Variants in HMCN1 observed in about 807,000 individuals in gnomAD.
HMCN1 encodes the protein hemicentin-1.
A neutral mutation model predicts 625.9 loss-of-function variants in HMCN1; 321 were observed. The ratio of observed to expected loss-of-function variants is 0.51; its 90% CI spans 0.47 to 0.56. HMCN1 has a LOEUF of 0.56. HMCN1 is among the 20% of genes least tolerant of loss of function. The pLI is 0.00. For missense variants in HMCN1, 6,588 were observed against 6,887.3 expected (o/e 0.96, Z 1.54); for synonymous variants, 2,425 against 2,417.6 (o/e 1.00, Z -0.09).
chr1:186,102,719 G>T (rs1160276596), intron 68 of HMCN1, among the ~76,000 whole-genome samples: 2 of 152,104 alleles, frequency 1.3e-5, no homozygotes, highest in Non-Finnish European at 2.9e-5. Context: ...AGCTATTTTG[G>T]CTGCCTTGTC....
rs569193546 is a variant in HMCN1 at position 185,847,768 on chromosome 1, A to C, written c.339+1672A>C. On this transcript the variant is annotated intron_variant, in intron 2 of 106. Coordinates refer to ENST00000271588, the MANE Select transcript of HMCN1 (RefSeq NM_031935.3). ...AGGAGTTTGAGACCAGCCTGGGCGC[A>C]TAGTGAGACCCTGTCTCTAAAAGAG... Among the ~76,000 whole-genome samples the C allele has an allele frequency of 3.3e-5, 5 of 152,156 alleles. No homozygotes were observed. The East Asian group carries it at 9.7e-4, about 30-fold the overall frequency.
intron 81 of HMCN1, among the ~76,000 whole-genome samples, chr1:186,124,049 A>G (rs1328007135): frequency 6.6e-6 from 1 of 152,118 alleles, no homozygotes; most frequent in East Asian, 1.9e-4. Context: ...CAGTTAATAT[A>G]ATTAAACTAA....
At chr1:186,132,604 TTATC>T (rs1176194353) in intron 86 of HMCN1, among the ~76,000 whole-genome samples, 195 bp downstream of exon 86, 2 of 152,164 alleles carry the variant, frequency 1.3e-5, no homozygotes, top group Non-Finnish European at 2.9e-5. Context: ...TTTCTCTATT[TTATC>T]TAACGTATAT....
chr1:186,161,978 TG>T, intron 97 of HMCN1, among the ~76,000 whole-genome samples: 1 of 152,334 alleles, frequency 6.6e-6, no homozygotes, highest in Non-Finnish European at 1.5e-5. Context: ...CTTGCTAGAT[TG>T]GGGAAGTTCT....
rs60205431 is a variant in HMCN1, at chr1:185,919,074, C to CATATATATATATATATATATAT, written c.901-3288_901-3287insTATATATATATATATATATATA. On this transcript the variant is annotated intron_variant, in intron 6 of 106. Transcript: ENST00000271588. ...AATTTTGGCCTCACTAATTTTAGGACATATATATATATATATAATTTTATT... is the reference window on the plus strand; with the variant it reads ...AATTTTGGCCTCACTAATTTTAGGACATATATATATATATATATATATATATATATATATATATAATTTTATT... Among the ~76,000 whole-genome samples the CATATATATATATATATATATAT allele has an allele frequency of 6.7e-4, 98 of 146,074 alleles. 1 individual carries two copies. The highest frequency in any genetic ancestry group is 1.0e-3 in the African/African-American group (40 of 38,920).
intron 78 of HMCN1, 38 bp from the exon 79 acceptor site, chr1:186,119,707 G>A (rs1316799900): frequency 6.2e-6 from 10 of 1,604,594 alleles, no homozygotes; most frequent in Non-Finnish European, 8.5e-6. Flanking sequence ...TTATTAACTA[G>A]TGCTATTACT....
In HMCN1 at chr1:186,113,944, C is replaced by G. The variant is rs761634078; in HGVS notation, c.11132-35C>G. 2.0e-5 allele frequency: 32 copies of G among 1,612,844 alleles called. No individual in the cohort carries two copies. In the South Asian group the frequency reaches 3.5e-4, roughly 18 times the overall value. Reference sequence around the variant, plus strand: ...CTTCATGCAGGCTGTATTATTTAGTCTCACTGAATTTTTTCATGTGTATCT... The same window carrying G: ...CTTCATGCAGGCTGTATTATTTAGTGTCACTGAATTTTTTCATGTGTATCT... On this transcript the variant is annotated intron_variant, in intron 72 of 106. Transcript: ENST00000271588.
In HMCN1 at chr1:186,055,387, C is replaced by A. The variant is rs202080081; in HGVS notation, c.6863-6C>A. 2.5e-6 allele frequency: 4 copies of A among 1,612,008 alleles called. No homozygotes were observed. Among genetic ancestry groups the A allele is most frequent in the Non-Finnish European group, 3.4e-6 (4 of 1,178,626 alleles). ...TTGTTTCTTTTTATCTTCCTCCAAC[C>A]CTCAGTTAGACCAACCATAACCAAC... is the stretch of plus-strand genomic sequence containing the variant. On this transcript the variant is annotated splice_polypyrimidine_tract_variant and splice_region_variant and intron_variant, in intron 44 of 106. Coordinates refer to ENST00000271588, the MANE Select transcript of HMCN1 (RefSeq NM_031935.3).
chr1:185,802,668 T>C (rs1353870351), intron 1 of HMCN1, among the ~76,000 whole-genome samples: 1 of 152,110 alleles, frequency 6.6e-6, no homozygotes, highest in Non-Finnish European at 1.5e-5. Flanking sequence ...CCATGTGAGA[T>C]GGAGACTGAA....
intron 28 of HMCN1, among the ~76,000 whole-genome samples, chr1:186,002,276 A>T (rs1238651438): frequency 6.6e-6 from 1 of 152,116 alleles, no homozygotes; most frequent in Non-Finnish European, 1.5e-5. Context: ...GGTAATCATA[A>T]ATTTAAAATT....
intron 11 of HMCN1, among the ~76,000 whole-genome samples, chr1:185,946,315 GTGAAAT>G (rs1265920496): frequency 1.3e-5 from 2 of 152,116 alleles, no homozygotes; most frequent in Non-Finnish European, 2.9e-5. Context: ...ACGTATTTAT[GTGAAAT>G]TATCCCTTTT....
intron 36 of HMCN1, among the ~76,000 whole-genome samples, chr1:186,024,036 G>A (rs764839810): frequency 1.3e-5 from 2 of 152,124 alleles, no homozygotes; most frequent in Non-Finnish European, 2.9e-5. Context: ...TGGTTAAAAA[G>A]ATTCAAATCA....
chr1:186,161,366 C>G (rs1423616005), intron 97 of HMCN1, among the ~76,000 whole-genome samples: 6 of 152,046 alleles, frequency 3.9e-5, no homozygotes, highest in African/African-American at 9.7e-5. Context: ...GGTCTTGTCT[C>G]TTTATCCAAT....
Position 185,952,243 on chromosome 1 carries a change from T to C in HMCN1, c.1829-10275T>C, listed in dbSNP as rs536644663. ...AGGAGGGGGAGGGCTAGTCACGGAA[T>C]GAAACTGTAAGCCGGACCAGGTGTG... On this transcript the variant is annotated intron_variant, in intron 11 of 106. Transcript: ENST00000271588. Among the ~76,000 whole-genome samples the C allele has an allele frequency of 1.4e-3, 209 of 151,694 alleles. 3 individuals are homozygous for C. The South Asian group carries it at 0.016, about 11-fold the overall frequency.
At chr1:185,955,548 G>A (rs995259971) in intron 11 of HMCN1, among the ~76,000 whole-genome samples, 2 of 152,030 alleles carry the variant, frequency 1.3e-5, no homozygotes, top group African/African-American at 4.8e-5. Context: ...TGAATTATAG[G>A]TAGACAAGTT....
chr1:185,861,186 T>A (rs1442922709), intron 2 of HMCN1, among the ~76,000 whole-genome samples: 2 of 152,168 alleles, frequency 1.3e-5, no homozygotes, highest in Non-Finnish European at 2.9e-5. Flanking sequence ...GGCAAATTTA[T>A]ACCCAAGTCA....
At chr1:185,812,110 A>G (rs190336780) in intron 1 of HMCN1, among the ~76,000 whole-genome samples, 23 of 152,202 alleles carry the variant, frequency 1.5e-4, no homozygotes, top group Non-Finnish European at 2.8e-4. Flanking sequence ...GATGGCCAAC[A>G]TTAAAAGTTT....
At chr1:185,855,649 A>G (rs1365660059) in intron 2 of HMCN1, among the ~76,000 whole-genome samples, 1 of 152,176 alleles carries the variant, frequency 6.6e-6, no homozygotes, top group Non-Finnish European at 1.5e-5. Flanking sequence ...CCAACAAAAC[A>G]TGTCCCCTGA....
intron 82 of HMCN1, among the ~76,000 whole-genome samples, chr1:186,127,402 AGAG>A (rs1450700002): frequency 6.6e-6 from 1 of 152,104 alleles, no homozygotes; most frequent in Non-Finnish European, 1.5e-5. Context: ...ATAGAAGAAA[AGAG>A]GAGCAGAGGT....
Sources: allele counts gnomAD v4.1 joint callset (sites outside exome capture counted in the v4.1 genomes callset), GRCh38; gene constraint gnomAD v4.1.1; transcripts MANE v1.5; gene names NCBI Gene and HGNC (gene_info 2026-07-23, HGNC 2026-07-21).